The following RBFOX1 variants were observed in gnomAD, a reference collection of about 807,000 sequenced individuals.
RBFOX1 encodes the protein RNA binding protein fox-1 homolog 1.
Under a neutral mutation model 57.7 loss-of-function variants are expected in RBFOX1, and 8 were observed. That is an observed-to-expected ratio of 0.14 (90% CI 0.08 to 0.25). The LOEUF (loss-of-function observed/expected upper bound fraction) is 0.25. RBFOX1 is among the 10% of genes least tolerant of loss of function. The probability of loss-of-function intolerance (pLI) is 1.00; values close to 1 mark genes in which losing one functional copy is unlikely to be tolerated. For synonymous variants in RBFOX1, 326 were observed against 222.4 expected (o/e 1.47, Z -4.15); for missense variants, 611 against 548.5 (o/e 1.11, Z -1.14).
intron 3 of RBFOX1, among the ~76,000 whole-genome samples, chr16:5,702,039 A>G (rs2051067349): frequency 6.6e-6 from 1 of 152,196 alleles, no homozygotes; most frequent in African/African-American, 2.4e-5. Flanking sequence ...TGGAGTGAAG[A>G]GAAATCTAGC....
At chr16:7,577,878 G>A (rs2093456570) in intron 5 of RBFOX1, among the ~76,000 whole-genome samples, 1 of 152,194 alleles carries the variant, frequency 6.6e-6, no homozygotes, top group South Asian at 2.1e-4. Context: ...CTGAGTGACA[G>A]AGCAAGACCC....
chr16:6,846,058 G>C (rs1353975932), intron 3 of RBFOX1, among the ~76,000 whole-genome samples: 2 of 152,182 alleles, frequency 1.3e-5, no homozygotes, highest in Non-Finnish European at 2.9e-5. Context: ...GCACATCACA[G>C]TTGTAATCTG....
chr16:6,171,286 T>C (rs886306928), intron 1 of RBFOX1, among the ~76,000 whole-genome samples: 7 of 152,206 alleles, frequency 4.6e-5, no homozygotes, highest in Non-Finnish European at 8.8e-5. Context: ...TAACACCAAT[T>C]TCAAGGTTTT....
intron 3 of RBFOX1, among the ~76,000 whole-genome samples, chr16:6,814,051 G>T (rs1234427383): frequency 6.6e-6 from 1 of 151,886 alleles, no homozygotes; most frequent in African/African-American, 2.4e-5. Context: ...ATAACAACTT[G>T]TCCTGGAGTG....
intron 1 of RBFOX1, among the ~76,000 whole-genome samples, chr16:6,312,313 C>A (rs1048866347): frequency 6.6e-6 from 1 of 152,230 alleles, no homozygotes; most frequent in Admixed American, 6.5e-5. Context: ...AGCCCTTACC[C>A]TCCCGCCCCA....
intron 4 of RBFOX1, among the ~76,000 whole-genome samples, chr16:7,235,493 G>A (rs868517229): frequency 2.6e-5 from 4 of 152,340 alleles, no homozygotes; most frequent in Middle Eastern, 6.8e-3. Context: ...ACAAGGAGAT[G>A]CTGGTAGTTT....
At chr16:6,100,822 C>A (rs2096297487) in intron 1 of RBFOX1, among the ~76,000 whole-genome samples, 1 of 152,142 alleles carries the variant, frequency 6.6e-6, no homozygotes, top group African/African-American at 2.4e-5. Context: ...GCCTGAACAC[C>A]AAAGCCTGTA....
chr16:7,200,381 A>T (rs145694681), intron 4 of RBFOX1, among the ~76,000 whole-genome samples: 4,757 of 152,324 alleles, frequency 0.031, 114 homozygotes, highest in South Asian at 0.092. Flanking sequence ...GTGCATCGTT[A>T]AGTATCATCT....
At chr16:7,364,599 A>T (rs1187051189) in intron 4 of RBFOX1, among the ~76,000 whole-genome samples, 1 of 151,796 alleles carries the variant, frequency 6.6e-6, no homozygotes, top group African/African-American at 2.4e-5. Context: ...ACAAAAAAAA[A>T]AAACTTGGAT....
intron 5 of RBFOX1, among the ~76,000 whole-genome samples, chr16:7,578,367 T>C (rs187444353): frequency 6.6e-6 from 1 of 152,226 alleles, no homozygotes; most frequent in Non-Finnish European, 1.5e-5. Flanking sequence ...AGTCAACTGG[T>C]AGGTCTTTTG....
intron 1 of RBFOX1, chr16:5,270,331 AG>A: frequency 1.3e-6 from 1 of 788,596 alleles, no homozygotes; most frequent in Non-Finnish European, 2.2e-6. Flanking sequence ...CCAGGACCCG[AG>A]GAACCCAAAT....
chr16:5,853,594 T>C (rs2056950679), intron 3 of RBFOX1, among the ~76,000 whole-genome samples: 1 of 152,132 alleles, frequency 6.6e-6, no homozygotes, highest in Non-Finnish European at 1.5e-5. Context: ...AAGCATCCTT[T>C]CCTTGGATGA....
At chr16:7,198,661 G>A (rs1356347222) in intron 4 of RBFOX1, among the ~76,000 whole-genome samples, 1 of 152,160 alleles carries the variant, frequency 6.6e-6, no homozygotes, top group Non-Finnish European at 1.5e-5. Context: ...GGGCAAGAGG[G>A]AAGAATAGAT....
chr16:6,247,750 C>A (rs985077894), intron 1 of RBFOX1, among the ~76,000 whole-genome samples: 1 of 152,186 alleles, frequency 6.6e-6, no homozygotes, highest in Non-Finnish European at 1.5e-5. Context: ...CCTTCCCCAC[C>A]AGGCAAGGCT....
At chr16:7,546,210 C>G (rs986984543) in intron 5 of RBFOX1, among the ~76,000 whole-genome samples, 7 of 151,882 alleles carry the variant, frequency 4.6e-5, no homozygotes, top group Admixed American at 1.3e-4. Context: ...GCCAGTAATC[C>G]CAGGTACTTA....
chr16:5,631,458 G>C (rs2048504218), intron 3 of RBFOX1, among the ~76,000 whole-genome samples: 1 of 151,998 alleles, frequency 6.6e-6, no homozygotes, highest in Non-Finnish European at 1.5e-5. Context: ...TCGGGAGGCT[G>C]AGGCAGGAGA....
At chr16:7,564,023 T>C (rs927247734) in intron 5 of RBFOX1, among the ~76,000 whole-genome samples, 1 of 152,158 alleles carries the variant, frequency 6.6e-6, no homozygotes, top group Non-Finnish European at 1.5e-5. Flanking sequence ...TGCAGGTGTT[T>C]GTAGGCGCTG....
intron 4 of RBFOX1, among the ~76,000 whole-genome samples, chr16:7,486,286 C>T (rs1295638177): frequency 1.3e-5 from 2 of 150,894 alleles, no homozygotes; most frequent in Non-Finnish European, 3.0e-5. Context: ...AACCTGCCAC[C>T]ACGCCTGGTT....
At chr16:7,187,018 A>AAAAG (rs1491323734) in intron 4 of RBFOX1, among the ~76,000 whole-genome samples, 1 of 134,200 alleles carries the variant, frequency 7.5e-6, no homozygotes, top group African/African-American at 2.9e-5. Context: ...AAAAAAAAAA[A>AAAAG]TTCAGAAATT....
Sources: allele counts gnomAD v4.1 joint callset (sites outside exome capture counted in the v4.1 genomes callset), GRCh38; gene constraint gnomAD v4.1.1; transcripts MANE v1.5; gene names NCBI Gene and HGNC (gene_info 2026-07-23, HGNC 2026-07-21).